Variants in GTF2H5 observed in about 807,000 individuals in gnomAD.
GTF2H5 encodes the protein TFB5 ortholog.
A neutral mutation model predicts 7.1 loss-of-function variants in GTF2H5; 5 were observed. That is an observed-to-expected ratio of 0.71 (90% confidence interval 0.37 to 1.49). The LOEUF (loss-of-function observed/expected upper bound fraction) is 1.49. GTF2H5 is among the 40% of genes most tolerant of loss of function. The pLI is 0.03. For missense variants in GTF2H5, 80 were observed against 83.0 expected (o/e 0.96, Z 0.14); for synonymous variants, 30 against 31.7 (o/e 0.95, Z 0.18).
At chr6:158,169,516 ATATATAATATACAGTATAT>A (rs2128428126) in intron 1 of GTF2H5, among the ~76,000 whole-genome samples, 1 of 87,042 alleles carries the variant, frequency 1.1e-5, no homozygotes, top group African/African-American at 4.9e-5. Flanking sequence ...ATTGTATATT[ATATATAATATACAGTATAT>A]TATATATAAT....
chr6:158,196,662 A>G lies in GTF2H5; in HGVS notation c.*4505A>G, dbSNP rs144679213. ...GAATTCTGCTAAAACTGAAGCAAGA[A>G]CAAACATCAAATTTATGGCAAAGCT... On this transcript the variant is annotated 3_prime_UTR_variant, in exon 3 of 3. Coordinates refer to ENST00000607778, the MANE Select transcript of GTF2H5 (RefSeq NM_207118.3). 1 of 152,238 alleles carries G rather than the reference A, an allele frequency of 6.6e-6. No individual in the cohort carries two copies. The highest frequency in any genetic ancestry group is 2.4e-5 in the African/African-American group (1 of 41,462). 9.4% of individuals were successfully genotyped at this position (152,238 alleles called of 1,614,324 possible).
At chr6:158,179,468 C>T (rs1471453913) in intron 2 of GTF2H5, among the ~76,000 whole-genome samples, 1 of 152,182 alleles carries the variant, frequency 6.6e-6, no homozygotes, top group Non-Finnish European at 1.5e-5. Context: ...TTGATTCTTC[C>T]TATCCACGAG....
In GTF2H5 at chr6:158,192,049, A is replaced by G. The variant is rs771490637; in HGVS notation, c.108A>G (p.Gln36=). Residue 36 remains glutamine, a synonymous_variant, in exon 3 of 3, where the codon CAA becomes CAG. Coordinates refer to ENST00000607778, the MANE Select transcript of GTF2H5 (RefSeq NM_207118.3). ...CCCTGGGGAAGAAGTTCATCATTCA[A>G]GACATTGATGACACTCACGTCTTTG... ...SNALGKKFII[Q]DIDDTHVFVI... 1.8e-5 allele frequency: 29 copies of G among 1,613,074 alleles called. No homozygotes were observed. Among genetic ancestry groups the G allele is most frequent in the Non-Finnish European group, 2.4e-5 (28 of 1,178,994 alleles).
At chr6:158,177,591 C>T (rs1479367563) in intron 2 of GTF2H5, among the ~76,000 whole-genome samples, 2 of 152,172 alleles carry the variant, frequency 1.3e-5, no homozygotes, top group African/African-American at 4.8e-5. Flanking sequence ...GGTTATCATA[C>T]TTTAAGTTCT....
At chr6:158,187,297 A>G (rs1349561506) in intron 2 of GTF2H5, among the ~76,000 whole-genome samples, 1 of 152,036 alleles carries the variant, frequency 6.6e-6, no homozygotes, top group East Asian at 1.9e-4. Flanking sequence ...CACCTGGCCC[A>G]GAGCTCTTAT....
chr6:158,170,499 A>G lies in GTF2H5; in HGVS notation c.-5A>G. On this transcript the variant is annotated 5_prime_UTR_variant, in exon 2 of 3. Transcript: ENST00000607778. ...CTTCAGGTCATCTGAACCTTCTGAG[A>G]AAACATGGTCAACGTCTTGAAAGGA... The G allele has an allele frequency of 6.2e-7, 1 of 1,608,128 alleles. No homozygotes were observed. The highest frequency in any genetic ancestry group is 8.5e-7 in the Non-Finnish European group (1 of 1,174,470).
In GTF2H5 at chr6:158,192,097, C is replaced by T. The variant is rs1268187668; in HGVS notation, c.156C>T (p.Val52=). 1.2e-6 allele frequency: 2 copies of T among 1,613,762 alleles called. No individual in the cohort carries two copies. Among genetic ancestry groups the T allele is most frequent in the South Asian group, 2.2e-5 (2 of 91,056 alleles). The change falls in exon 3 of 3, where the codon GTC becomes GTT. Residue 52 remains valine (V), a synonymous_variant. Transcript: ENST00000607778. ...TTGTAATAGCAGAATTGGTTAATGT[C>T]CTCCAGGAGCGAGTGGGTGAATTAA... ...HVFVIAELVN[V]LQERVGELMD...
intron 2 of GTF2H5, among the ~76,000 whole-genome samples, chr6:158,185,409 G>A (rs1443556506): frequency 1.7e-4 from 26 of 151,882 alleles, no homozygotes; most frequent in African/African-American, 4.1e-4. Flanking sequence ...GCATGGTGGC[G>A]TGCGCCTGTA....
At chr6:158,188,042 G>T (rs1230191723) in intron 2 of GTF2H5, among the ~76,000 whole-genome samples, 1 of 152,154 alleles carries the variant, frequency 6.6e-6, no homozygotes, top group African/African-American at 2.4e-5. Flanking sequence ...GGGGGGTGGG[G>T]TGCTTAGAAC....
chr6:158,169,529 A>AGTATATTATATATAATATACT (rs1420179405), intron 1 of GTF2H5, among the ~76,000 whole-genome samples: 16 of 55,720 alleles, frequency 2.9e-4, no homozygotes, highest in East Asian at 9.0e-4. Flanking sequence ...TATAATATAC[A>AGTATATTATATATAATATACT]GTATATTATA....
rs1370836208 is a variant in GTF2H5, at chr6:158,192,488, A to T, written c.*331A>T. ...TTTTGCTCATCCCTGTGATCTGTGC[A>T]TTTTTGCTGCGTGGATGTGATTGTT... On this transcript the variant is annotated 3_prime_UTR_variant, in exon 3 of 3. Transcript: ENST00000607778. The T allele has an allele frequency of 6.6e-6, 2 of 302,666 alleles. No homozygotes were observed. The highest frequency in any genetic ancestry group is 2.2e-5 in the African/African-American group (1 of 45,788). The allele number at this position is 302,666 out of a possible 1,614,324, so 18.7% of individuals were successfully genotyped here. A position where few individuals can be genotyped will look rare whatever the true frequency, so the allele number is the denominator to read the frequency against.
At chr6:158,183,739 G>C (rs1786040384) in intron 2 of GTF2H5, among the ~76,000 whole-genome samples, 1 of 152,194 alleles carries the variant, frequency 6.6e-6, no homozygotes, top group African/African-American at 2.4e-5. Context: ...TGGTCCGCTT[G>C]TTGCGAAGAC....
chr6:158,183,259 C>T (rs529727147), intron 2 of GTF2H5, among the ~76,000 whole-genome samples: 122 of 152,248 alleles, frequency 8.0e-4, no homozygotes, highest in Admixed American at 2.2e-3. Context: ...GAAGCTTCAT[C>T]GTAGAGGGGC....
At chr6:158,191,094 A>G (rs905127232) in intron 2 of GTF2H5, among the ~76,000 whole-genome samples, 1 of 152,218 alleles carries the variant, frequency 6.6e-6, no homozygotes, top group Non-Finnish European at 1.5e-5. Context: ...TCCGTAAACA[A>G]TTCTGTTATG....
rs1562478762 is a variant in GTF2H5 at position 158,197,249 on chromosome 6, AAC to A, written c.*5098_*5099del. 5.7e-6 allele frequency: 1 copy of A among 175,356 alleles called. No homozygotes were observed. Among genetic ancestry groups the A allele is most frequent in the Non-Finnish European group, 1.3e-5 (1 of 74,766 alleles). The allele number at this position is 175,356 out of a possible 1,614,324, so 10.9% of individuals were successfully genotyped here. A position where few individuals can be genotyped will look rare whatever the true frequency, so the allele number is the denominator to read the frequency against. On this transcript the variant is annotated 3_prime_UTR_variant, in exon 3 of 3. Transcript: ENST00000607778. ...AACATGGCAGCCAAACCAACCCACT[AAC>A]ACACATTTAAATAAGATACCCAAAT... is the stretch of plus-strand genomic sequence containing the variant.
At position 158,198,323 on chromosome 6, in the gene GTF2H5, C is replaced by G. The variant is rs1200361803; in HGVS notation, c.*6166C>G. ...TTTCTGAAACCATTTTTATCTTTGC[C>G]TTCATTCTTGAATGATAATTAGTCT... On this transcript the variant is annotated 3_prime_UTR_variant, in exon 3 of 3. Coordinates refer to ENST00000607778, the MANE Select transcript of GTF2H5 (RefSeq NM_207118.3). 6.6e-6 allele frequency: 1 copy of G among 152,210 alleles called. No homozygotes were observed. The highest frequency in any genetic ancestry group is 1.9e-4 in the East Asian group (1 of 5,206). The allele number at this position is 152,210 out of a possible 1,614,324, so 9.4% of individuals were successfully genotyped here. A position where few individuals can be genotyped will look rare whatever the true frequency, so the allele number is the denominator to read the frequency against.
At chr6:158,190,805 A>G (rs1351279845) in intron 2 of GTF2H5, 10 of 387,666 alleles carry the variant, frequency 2.6e-5, no homozygotes, top group African/African-American at 4.2e-5. Context: ...AATTGCAAAA[A>G]TCTGTGGTGC....
chr6:158,171,651 T>G (rs927576448), intron 2 of GTF2H5, among the ~76,000 whole-genome samples: 1 of 152,004 alleles, frequency 6.6e-6, no homozygotes, highest in African/African-American at 2.4e-5. Flanking sequence ...CAGATTGAAG[T>G]ACTGTGGAAA....
Position 158,195,003 on chromosome 6 carries a change from A to G in GTF2H5, c.*2846A>G, listed in dbSNP as rs1036875677. 3.3e-5 allele frequency: 5 copies of G among 152,242 alleles called. No homozygotes were observed. Among genetic ancestry groups the G allele is most frequent in the African/African-American group, 9.6e-5 (4 of 41,466 alleles). 9.4% of individuals were successfully genotyped at this position (152,242 alleles called of 1,614,324 possible). ...GCCCACCTGTAACCACTTAGCTGAC[A>G]TGTCCAACTATGGGTGAACAGGAAA... On this transcript the variant is annotated 3_prime_UTR_variant, in exon 3 of 3. Transcript: ENST00000607778.
Sources: gnomAD v4.1 joint callset for allele counts (sites outside exome capture counted in the v4.1 genomes callset) on GRCh38, gnomAD v4.1.1 for gene constraint, MANE v1.5 for transcripts, NCBI Gene and HGNC (gene_info 2026-07-23, HGNC 2026-07-21) for gene names.